ANO2: variants seen among roughly 807,000 people sequenced by gnomAD.
ANO2 encodes the protein anoctamin 2.
A neutral mutation model predicts 124.2 loss-of-function variants in ANO2; 101 were observed. The ratio of observed to expected loss-of-function variants is 0.81; its 90% CI spans 0.69 to 0.96. The LOEUF (loss-of-function observed/expected upper bound fraction) is 0.96. ANO2 is among the 40% of genes least tolerant of loss of function. The pLI is 0.00. For synonymous variants in ANO2, 486 were observed against 482.5 expected (o/e 1.01, Z -0.09); for missense variants, 1,293 against 1,274.5 (o/e 1.01, Z -0.22).
At chr12:5,586,097 T>C (rs1943098378) in intron 20 of ANO2, among the ~76,000 whole-genome samples, 1 of 152,150 alleles carries the variant, frequency 6.6e-6, no homozygotes, top group African/African-American at 2.4e-5. Flanking sequence ...CTTCCCTCCA[T>C]TCCTTCCTTC....
At chr12:5,606,198 G>A (rs1944212687) in intron 19 of ANO2, among the ~76,000 whole-genome samples, 1 of 152,182 alleles carries the variant, frequency 6.6e-6, no homozygotes, top group Non-Finnish European at 1.5e-5. Context: ...GGTCCTGTCT[G>A]GGGCACCTTC....
chr12:5,568,136 C>CTTTTTTTTT (rs71445654), intron 23 of ANO2, among the ~76,000 whole-genome samples: 1 of 112,778 alleles, frequency 8.9e-6, no homozygotes, highest in African/African-American at 3.4e-5. Flanking sequence ...CCACCCTATG[C>CTTTTTTTTT]TTTTTTTTTT....
In ANO2 at chr12:5,635,541, T is replaced by A. The variant is rs1187500647; in HGVS notation, c.1621-194A>T. ...ACAAATTTTTAGGCAGAGTTCTGAG[T>A]GGAGGTGCATTTTCCAGGGGAGAAT... On this transcript the variant is annotated intron_variant, in intron 15 of 24. Coordinates refer to ENST00000682330, the MANE Select transcript of ANO2 (RefSeq NM_001364791.2). The surrounding 1 kb of genome is among the most constrained non-coding windows in gnomAD (Gnocchi z 5.2). 6.6e-6 allele frequency among the ~76,000 whole-genome samples: 1 copy of A among 151,748 alleles called. No individual in the cohort carries two copies. Among genetic ancestry groups the A allele is most frequent in the Non-Finnish European group, 1.5e-5 (1 of 67,978 alleles).
chr12:5,688,382 TCTCTA>T (rs60389373), intron 14 of ANO2, among the ~76,000 whole-genome samples: 1,545 of 152,258 alleles, frequency 0.01, 30 homozygotes, highest in African/African-American at 0.035. Context: ...TGGTCACCCC[TCTCTA>T]CTCTAATCAG....
At chr12:5,834,088 C>T (rs934464646) in intron 4 of ANO2, among the ~76,000 whole-genome samples, 14 of 152,130 alleles carry the variant, frequency 9.2e-5, no homozygotes, top group Non-Finnish European at 1.5e-4. Context: ...GTCCATCCCA[C>T]CTCCAAGCTG....
intron 19 of ANO2, among the ~76,000 whole-genome samples, chr12:5,602,530 A>C (rs1341820878): frequency 6.6e-6 from 1 of 152,220 alleles, no homozygotes; most frequent in Admixed American, 6.5e-5. Flanking sequence ...CAAGGATTAC[A>C]AGCACGAACC....
chr12:5,587,072 C>T (rs1049263160), intron 20 of ANO2, among the ~76,000 whole-genome samples: 1 of 152,234 alleles, frequency 6.6e-6, no homozygotes, highest in Non-Finnish European at 1.5e-5. Context: ...ACTGACAGCC[C>T]GTCCCCACAC....
At chr12:5,911,658 G>A (rs570872445) in intron 3 of ANO2, among the ~76,000 whole-genome samples, 9 of 152,310 alleles carry the variant, frequency 5.9e-5, no homozygotes, top group Non-Finnish European at 8.8e-5. Context: ...GTCAGATAGG[G>A]AGATAATAAC....
chr12:5,753,481 T>G (rs140597022), intron 10 of ANO2, among the ~76,000 whole-genome samples: 1 of 152,216 alleles, frequency 6.6e-6, no homozygotes, highest in Admixed American at 6.5e-5. Context: ...TTCAGCTTAA[T>G]TTTTTCATTT....
chr12:5,777,945 C>T (rs922151459), intron 10 of ANO2, among the ~76,000 whole-genome samples: 1 of 152,194 alleles, frequency 6.6e-6, no homozygotes, highest in African/African-American at 2.4e-5. Context: ...CACCTCTGTC[C>T]TCAGACTTTA....
intron 10 of ANO2, among the ~76,000 whole-genome samples, chr12:5,796,922 T>C (rs1952880212): frequency 6.6e-6 from 1 of 152,068 alleles, no homozygotes; most frequent in African/African-American, 2.4e-5. Context: ...TTCCAAACAA[T>C]TGGCACAGAG....
intron 7 of ANO2, among the ~76,000 whole-genome samples, chr12:5,823,041 G>A (rs533126360): frequency 1.1e-4 from 17 of 152,270 alleles, no homozygotes; most frequent in African/African-American, 3.9e-4. Flanking sequence ...CCCACCCTGT[G>A]TCCCTCCCAC....
chr12:5,770,750 G>C lies in ANO2; in HGVS notation c.1056-19780C>G, dbSNP rs117819455. ...ATTTTCTGACTTTATATCACAGGTA[G>C]AAGAAAACCCAAAATACTTTTCAGG... On this transcript the variant is annotated intron_variant, in intron 10 of 24. Transcript: ENST00000682330. 1.9e-3 allele frequency among the ~76,000 whole-genome samples: 296 copies of C among 152,230 alleles called. 1 individual carries two copies. The highest frequency in any genetic ancestry group is 3.4e-3 in the Middle Eastern group (1 of 294).
intron 14 of ANO2, among the ~76,000 whole-genome samples, chr12:5,705,310 G>T (rs1390877339): frequency 6.7e-6 from 1 of 149,438 alleles, no homozygotes; most frequent in African/African-American, 2.5e-5. Flanking sequence ...AATTGAAAGA[G>T]AAAGAAGAAA....
chr12:5,931,458 T>G (rs566692715), intron 1 of ANO2, among the ~76,000 whole-genome samples: 3 of 152,014 alleles, frequency 2.0e-5, no homozygotes, highest in African/African-American at 7.2e-5. Flanking sequence ...CATCAAGCCC[T>G]GGGTAATCAC....
chr12:5,622,201 T>G (rs1309881849), intron 16 of ANO2, among the ~76,000 whole-genome samples: 1 of 152,198 alleles, frequency 6.6e-6, no homozygotes, highest in South Asian at 2.1e-4. Flanking sequence ...GAACTGTGTG[T>G]CCTCAGATCT....
intron 23 of ANO2, among the ~76,000 whole-genome samples, chr12:5,575,538 C>G (rs1272824469): frequency 6.6e-6 from 1 of 152,082 alleles, no homozygotes; most frequent in Non-Finnish European, 1.5e-5. Context: ...CACACCTAGG[C>G]TATAAAGTAT....
intron 19 of ANO2, among the ~76,000 whole-genome samples, chr12:5,610,819 TACACACACACACACACAC>T (rs766401385): frequency 1.8e-5 from 2 of 110,862 alleles, no homozygotes; most frequent in African/African-American, 8.4e-5. Context: ...GAGTTGTCCA[TACACACACACACACACAC>T]ACACACACAC....
At chr12:5,630,697 T>C (rs991598199) in intron 16 of ANO2, among the ~76,000 whole-genome samples, 4 of 152,164 alleles carry the variant, frequency 2.6e-5, no homozygotes, top group African/African-American at 9.7e-5. Flanking sequence ...AATAACTGCA[T>C]TGACAAAAAT....
Sources: allele counts gnomAD v4.1 joint callset (sites outside exome capture counted in the v4.1 genomes callset), GRCh38; gene constraint gnomAD v4.1.1; non-coding constraint Gnocchi (gnomAD v3.1); transcripts MANE v1.5; gene names NCBI Gene and HGNC (gene_info 2026-07-23, HGNC 2026-07-21).